Variants in LPP observed in about 807,000 individuals in gnomAD.
LPP encodes LIM domain containing preferred translocation partner in lipoma, also known as lipoma-preferred partner.
Under a neutral mutation model 60.4 loss-of-function variants are expected in LPP, and 38 were observed. The observed-to-expected ratio is 0.63, with a 90% confidence interval of 0.49 to 0.83. The LOEUF is 0.83. Ranked by LOEUF, LPP falls within the 40% of genes least tolerant of loss-of-function variation. The probability of loss-of-function intolerance (pLI) is 0.00; values close to 1 mark genes in which losing one functional copy is unlikely to be tolerated. For synonymous variants in LPP, 328 were observed against 290.8 expected, an observed-to-expected ratio of 1.13 and a Z score of -1.30; for missense variants, 902 against 783.6, an observed-to-expected ratio of 1.15 and a Z score of -1.80.
chr3:188,800,112 A>T (rs915250131), intron 9 of LPP, among the ~76,000 whole-genome samples: 1 of 150,644 alleles, frequency 6.6e-6, no homozygotes, highest in South Asian at 2.1e-4. Flanking sequence ...ATAGAATTCT[A>T]TAGGATACAT....
chr3:188,769,725 ACTTT>A (rs1735260208), intron 9 of LPP, among the ~76,000 whole-genome samples: 2 of 152,168 alleles, frequency 1.3e-5, no homozygotes, highest in Non-Finnish European at 2.9e-5. Context: ...TCAAAGAACT[ACTTT>A]CTTTGGGACC....
chr3:188,368,703 C>G, intron 3 of LPP, among the ~76,000 whole-genome samples: 2 of 121,938 alleles, frequency 1.6e-5, no homozygotes, highest in Non-Finnish European at 3.5e-5. Flanking sequence ...CACACACACA[C>G]ACACACACAC....
At position 188,536,805 on chromosome 3, in the gene LPP, A is replaced by G. The variant is rs1035250455; in HGVS notation, c.429+12018A>G. Among the ~76,000 whole-genome samples the G allele has an allele frequency of 5.9e-5, 9 of 152,352 alleles. 1 individual carries two copies. Among genetic ancestry groups the G allele is most frequent in the Non-Finnish European group, 5.9e-5 (4 of 68,032 alleles). ...GATATATGAACCCATAAAGTAAATC[A>G]TTTGTGAAGTGTCTTGAACTCTTTC... On this transcript the variant is annotated intron_variant, in intron 6 of 11. Transcript: ENST00000617246.
At chr3:188,805,787 A>AT (rs1748940139) in intron 9 of LPP, among the ~76,000 whole-genome samples, 1 of 151,106 alleles carries the variant, frequency 6.6e-6, no homozygotes, top group South Asian at 2.1e-4. Flanking sequence ...TTGTGTTTTC[A>AT]TTTTCATTCA....
chr3:188,771,568 AAAG>A (rs1736027796), intron 9 of LPP, among the ~76,000 whole-genome samples: 1 of 140,684 alleles, frequency 7.1e-6, no homozygotes, highest in Non-Finnish European at 1.5e-5. Flanking sequence ...AAAAAAAAAG[AAAG>A]AAAGAAAGAA....
intron 2 of LPP, among the ~76,000 whole-genome samples, chr3:188,235,120 A>C (rs1245797801): frequency 2.6e-5 from 4 of 152,206 alleles, no homozygotes; most frequent in African/African-American, 9.6e-5. Flanking sequence ...AGGAACTGGA[A>C]GTGCTTAGTG....
intron 2 of LPP, among the ~76,000 whole-genome samples, chr3:188,232,453 C>G (rs1389469733): frequency 1.3e-5 from 2 of 151,304 alleles, no homozygotes; most frequent in African/African-American, 2.4e-5. Context: ...ATTCTCCTGC[C>G]TTAGCCTCCC....
At chr3:188,501,717 T>A (rs766051526) in intron 5 of LPP, among the ~76,000 whole-genome samples, 19 of 136,824 alleles carry the variant, frequency 1.4e-4, no homozygotes, top group Non-Finnish European at 2.1e-4. Flanking sequence ...CCAGCCTGGG[T>A]GACAGAGGAA....
intron 7 of LPP, among the ~76,000 whole-genome samples, chr3:188,632,855 T>C (rs1329807010): frequency 6.6e-6 from 1 of 152,122 alleles, no homozygotes; most frequent in Non-Finnish European, 1.5e-5. Context: ...CCCACGTTCG[T>C]TTTCATTATC....
At chr3:188,519,235 A>G (rs1169709125) in intron 5 of LPP, among the ~76,000 whole-genome samples, 2 of 152,194 alleles carry the variant, frequency 1.3e-5, no homozygotes, top group Non-Finnish European at 2.9e-5. Flanking sequence ...ATCACCAAGC[A>G]TGGGCCAAAC....
chr3:188,519,068 A>G (rs190103360), intron 5 of LPP, among the ~76,000 whole-genome samples: 5 of 152,348 alleles, frequency 3.3e-5, no homozygotes, highest in African/African-American at 9.6e-5. Context: ...TATGGACACT[A>G]AAACCACTGG....
chr3:188,760,339 G>A, intron 9 of LPP, 57 bp downstream of exon 9: 2 of 1,569,570 alleles, frequency 1.3e-6, no homozygotes, highest in Non-Finnish European at 8.8e-7. Context: ...GTGGCTGAAT[G>A]CCAGTCACTC....
intron 4 of LPP, among the ~76,000 whole-genome samples, chr3:188,473,380 T>C (rs1802342866): frequency 1.3e-5 from 2 of 152,166 alleles, no homozygotes; most frequent in Non-Finnish European, 2.9e-5. Context: ...CATATTGCAT[T>C]TTATTGCCTT....
chr3:188,258,575 C>CA (rs1239231543), intron 2 of LPP, among the ~76,000 whole-genome samples: 1 of 152,174 alleles, frequency 6.6e-6, no homozygotes, highest in Admixed American at 6.5e-5. Context: ...CCCACCTTGG[C>CA]CTCCCAAAGT....
chr3:188,702,997 A>G (rs1864789832), intron 7 of LPP, among the ~76,000 whole-genome samples: 1 of 152,124 alleles, frequency 6.6e-6, no homozygotes, highest in South Asian at 2.1e-4. Flanking sequence ...TACCTCTACA[A>G]GGTTGCTCAC....
chr3:188,194,247 G>A (rs1002888728), intron 1 of LPP, among the ~76,000 whole-genome samples: 11 of 152,298 alleles, frequency 7.2e-5, no homozygotes, highest in Middle Eastern at 3.4e-3. Context: ...TCTGTACTTC[G>A]TAATTGTGCC....
intron 9 of LPP, among the ~76,000 whole-genome samples, chr3:188,853,338 C>G (rs1234047467): frequency 2.6e-5 from 4 of 152,184 alleles, no homozygotes; most frequent in African/African-American, 9.7e-5. Context: ...AGCATATGAA[C>G]AGATAACACT....
chr3:188,828,911 C>T (rs926493758), intron 9 of LPP, among the ~76,000 whole-genome samples: 1 of 151,930 alleles, frequency 6.6e-6, no homozygotes, highest in Non-Finnish European at 1.5e-5. Context: ...TATATGTATG[C>T]GTTATGTATA....
At chr3:188,373,405 G>C (rs1773898027) in intron 3 of LPP, among the ~76,000 whole-genome samples, 1 of 152,174 alleles carries the variant, frequency 6.6e-6, no homozygotes, top group African/African-American at 2.4e-5. Flanking sequence ...CATTCTAACT[G>C]GTGTGAGATG....
Sources: gnomAD v4.1 joint callset for allele counts (sites outside exome capture counted in the v4.1 genomes callset) on GRCh38, gnomAD v4.1.1 for gene constraint, MANE v1.5 for transcripts, NCBI Gene and HGNC (gene_info 2026-07-23, HGNC 2026-07-21) for gene names.